Variants in SYNJ1 observed in about 807,000 individuals in gnomAD.
The protein encoded by SYNJ1 is polyphosphatidylinositol phosphatase SYNJ1.
SYNJ1 carries 78 observed loss-of-function variants against 168.2 expected under a neutral mutation model. The ratio of observed to expected loss-of-function variants is 0.46; its 90% CI spans 0.39 to 0.56. The LOEUF (loss-of-function observed/expected upper bound fraction) is 0.56. SYNJ1 is among the 20% of genes least tolerant of loss of function. The probability of loss-of-function intolerance (pLI) is 0.00; values close to 1 mark genes in which losing one functional copy is unlikely to be tolerated. For synonymous variants in SYNJ1, 539 were observed against 548.6 expected (o/e 0.98, Z 0.24); for missense variants, 1,303 against 1,597.6 (o/e 0.82, Z 3.14).
intron 29 of SYNJ1, 120 bp downstream of exon 29, chr21:32,641,776 T>C: frequency 3.2e-6 from 2 of 632,796 alleles, no homozygotes; most frequent in Non-Finnish European, 5.4e-6. Context: ...TCCCTCATTT[T>C]AGAGATGAGG....
intron 18 of SYNJ1, among the ~76,000 whole-genome samples, chr21:32,661,786 A>G (rs2040714161): frequency 6.6e-6 from 1 of 152,164 alleles, no homozygotes; most frequent in Non-Finnish European, 1.5e-5. Flanking sequence ...CTTATGAAAT[A>G]CTGTATCATA....
In SYNJ1 at chr21:32,646,533, G is replaced by C. The variant is rs1238550954; in HGVS notation, c.3107C>G (p.Ser1036Cys). The stretch of plus-strand genomic sequence containing the variant: ...AGAGCTGGGGGAAGTACCAAGGCCG[G>C]AACTTGAAGATGGCTGGAGATGCTG... ...LPQHLQPSSS[S>C]GLGTSPSSSP... Residue 1036 changes from serine (S) to cysteine (C), a missense_variant, in exon 24 of 33, where the codon TCC becomes TGC. Physicochemically the swap from Ser to Cys is moderately radical, Grantham distance 112. Around this residue, in one of 2 missense-constraint regions of SYNJ1, gnomAD observed 383 missense variants for 388.8 expected, o/e 0.99. Transcript: ENST00000674351. 6.2e-7 allele frequency: 1 copy of C among 1,614,002 alleles called. No homozygotes were observed. The highest frequency in any genetic ancestry group is 1.3e-5 in the African/African-American group (1 of 74,896).
At chr21:32,678,055 GT>G (rs200625507) in intron 12 of SYNJ1, among the ~76,000 whole-genome samples, 2 of 151,520 alleles carry the variant, frequency 1.3e-5, no homozygotes, top group African/African-American at 2.4e-5. Context: ...GATAGGAGAA[GT>G]TTTTTTTTAA....
chr21:32,689,524 T>A (rs2041948565), intron 6 of SYNJ1, among the ~76,000 whole-genome samples: 1 of 152,190 alleles, frequency 6.6e-6, no homozygotes, highest in South Asian at 2.1e-4. Flanking sequence ...CTCAATCTCT[T>A]GACCTTGTGA....
chr21:32,674,572 A>T (rs952141275), intron 13 of SYNJ1, among the ~76,000 whole-genome samples: 2 of 151,902 alleles, frequency 1.3e-5, no homozygotes, highest in Admixed American at 6.6e-5. Context: ...CTCAATAAAT[A>T]ATTGTTAAAT....
chr21:32,659,830 C>T (rs1194570843), intron 18 of SYNJ1, among the ~76,000 whole-genome samples: 1 of 152,166 alleles, frequency 6.6e-6, no homozygotes, highest in Non-Finnish European at 1.5e-5. Flanking sequence ...TGCTACATTT[C>T]TTGGTTCCCC....
chr21:32,656,081 T>C (rs577656497), intron 21 of SYNJ1, among the ~76,000 whole-genome samples: 3 of 152,246 alleles, frequency 2.0e-5, no homozygotes, highest in Non-Finnish European at 2.9e-5. Flanking sequence ...TGTATAGGAA[T>C]CGTGAGAGTT....
chr21:32,675,886 G>GC, intron 13 of SYNJ1, among the ~76,000 whole-genome samples: 1 of 152,166 alleles, frequency 6.6e-6, no homozygotes. Flanking sequence ...ATAAGGAAAT[G>GC]CAACAATGCC....
At chr21:32,659,393 T>C (rs1159980451) in intron 18 of SYNJ1, among the ~76,000 whole-genome samples, 1 of 152,160 alleles carries the variant, frequency 6.6e-6, no homozygotes, top group Non-Finnish European at 1.5e-5. Flanking sequence ...ACCCCACATA[T>C]TGTCTTATGC....
In SYNJ1 at chr21:32,721,895, T is replaced by C. The variant is rs147575804; in HGVS notation, c.124+4877A>G. Among the ~76,000 whole-genome samples, 35 of 152,078 alleles carry C rather than the reference T, an allele frequency of 2.3e-4. No individual in the cohort carries two copies. The East Asian group carries it at 3.9e-3, about 17-fold the overall frequency. On this transcript the variant is annotated intron_variant, in intron 2 of 32. Transcript: ENST00000674351. Reference sequence around the variant, plus strand: ...AGTCAGATAACAATTCTCAAAAACATAGGAAATAGGCCAGGTGCAGTGACT... The same window carrying C: ...AGTCAGATAACAATTCTCAAAAACACAGGAAATAGGCCAGGTGCAGTGACT...
At chr21:32,662,381 A>G (rs555726474) in intron 18 of SYNJ1, among the ~76,000 whole-genome samples, 1 of 152,336 alleles carries the variant, frequency 6.6e-6, no homozygotes, top group African/African-American at 2.4e-5. Flanking sequence ...TTTCTGTTCT[A>G]TAGTTACTAT....
At chr21:32,677,016 T>A (rs887723904) in intron 12 of SYNJ1, among the ~76,000 whole-genome samples, 2 of 152,178 alleles carry the variant, frequency 1.3e-5, no homozygotes, top group African/African-American at 4.8e-5. Context: ...ATAAGGCACT[T>A]CATCTTGAAT....
chr21:32,670,247 C>A, intron 15 of SYNJ1, 41 bp downstream of exon 15: 1 of 1,569,772 alleles, frequency 6.4e-7, no homozygotes, highest in Non-Finnish European at 8.7e-7. Flanking sequence ...TAGTTTCCCT[C>A]AACTGGCAAA....
intron 14 of SYNJ1, chr21:32,670,959 G>T: frequency 3.0e-6 from 1 of 335,156 alleles, no homozygotes; most frequent in Non-Finnish European, 4.2e-6. Flanking sequence ...TGAGAAAGCA[G>T]CCCAGGGAGA....
At chr21:32,694,157 A>T in intron 6 of SYNJ1, 71 bp downstream of exon 6, 1 of 1,106,094 alleles carries the variant, frequency 9.0e-7, no homozygotes. Context: ...TTAATTAATA[A>T]ACTATCCAGA....
chr21:32,716,482 A>C (rs1296179217), intron 2 of SYNJ1, among the ~76,000 whole-genome samples: 1 of 152,170 alleles, frequency 6.6e-6, no homozygotes, highest in East Asian at 1.9e-4. Flanking sequence ...GATGTTCCCA[A>C]TGTCCTCTGG....
intron 2 of SYNJ1, among the ~76,000 whole-genome samples, chr21:32,719,833 G>C (rs2146367005): frequency 6.6e-6 from 1 of 151,510 alleles, no homozygotes; most frequent in South Asian, 2.1e-4. Context: ...TATTTTTTCT[G>C]CATTTTTTTT....
chr21:32,680,129 AC>A (rs1307270035), intron 11 of SYNJ1, among the ~76,000 whole-genome samples: 3 of 152,194 alleles, frequency 2.0e-5, no homozygotes, highest in Non-Finnish European at 4.4e-5. Flanking sequence ...TTTGATGTTT[AC>A]AAAAATAGGG....
chr21:32,727,957 G>GCTC lies in SYNJ1; in HGVS notation c.-37_-35dup, dbSNP rs978725590. 9 of 1,533,792 alleles carry GCTC rather than the reference G, an allele frequency of 5.9e-6. No individual in the cohort carries two copies. The East Asian group carries it at 1.5e-4, about 25-fold the overall frequency. ...GCCGGCTTGCTCACCTCTTCCTCCG[G>GCTC]CTCCTCCTCCTCCTTCTCCCGCAGC... is the stretch of plus-strand genomic sequence containing the variant. On this transcript the variant is annotated 5_prime_UTR_variant, in exon 1 of 33. Coordinates refer to ENST00000674351, the MANE Select transcript of SYNJ1 (RefSeq NM_203446.3).
Sources: gnomAD v4.1 joint callset for allele counts (sites outside exome capture counted in the v4.1 genomes callset) on GRCh38, gnomAD v4.1.1 for gene constraint, gnomAD v4.1.1 regional missense constraint, MANE v1.5 for transcripts, NCBI Gene and HGNC (gene_info 2026-07-23, HGNC 2026-07-21) for gene names.